TANC2: variants seen among roughly 807,000 people sequenced by gnomAD.
TANC2 encodes tetratricopeptide repeat, ankyrin repeat and coiled-coil containing 2.
Under a neutral mutation model 210.5 loss-of-function variants are expected in TANC2, and 26 were observed. That is an observed-to-expected ratio of 0.12 (90% confidence interval 0.09 to 0.17). TANC2 has a LOEUF of 0.17. TANC2 is among the 10% of genes least tolerant of loss of function. TANC2 has a pLI of 1.00. For synonymous variants in TANC2, 931 were observed against 967.1 expected (o/e 0.96, Z 0.69); for missense variants, 2,129 against 2,608.9 (o/e 0.82, Z 4.01).
chr17:63,148,328 C>G (rs1339013402), intron 4 of TANC2: 1 of 152,114 alleles, frequency 6.6e-6, no homozygotes, highest in Admixed American at 6.6e-5. Flanking sequence ...ATCACTGTAT[C>G]CAAGCACTGT....
chr17:63,316,963 ATTAT>A (rs2045334806), intron 10 of TANC2, among the ~76,000 whole-genome samples: 1 of 136,578 alleles, frequency 7.3e-6, no homozygotes, highest in South Asian at 2.3e-4. Flanking sequence ...AATATAAGTT[ATTAT>A]ATTAAACTTA....
intron 7 of TANC2, among the ~76,000 whole-genome samples, chr17:63,216,054 T>G (rs1054682068): frequency 2.0e-5 from 3 of 151,682 alleles, no homozygotes; most frequent in Non-Finnish European, 2.9e-5. Context: ...CCTGGCCTAT[T>G]TTATTTTATT....
chr17:63,154,505 A>G (rs1346290010), intron 5 of TANC2: 2 of 152,148 alleles, frequency 1.3e-5, no homozygotes, highest in African/African-American at 4.8e-5. Context: ...CCTACACTCT[A>G]TCACTTTTCT....
rs1002518880 is a variant in TANC2 at position 63,411,166 on chromosome 17, A to G, written c.3590-345A>G. Among the ~76,000 whole-genome samples the G allele has an allele frequency of 3.3e-5, 5 of 152,028 alleles. No individual in the cohort carries two copies. The East Asian group carries it at 9.7e-4, about 29-fold the overall frequency. On this transcript the variant is annotated intron_variant, in intron 21 of 27. Coordinates refer to ENST00000689528, the Ensembl canonical transcript of TANC2. ...GAGATCCGAGAGGCAGAGAGTGAGGATGCGGGAGGATTGACGGGAGATCCG... is the reference window on the plus strand; with the variant it reads ...GAGATCCGAGAGGCAGAGAGTGAGGGTGCGGGAGGATTGACGGGAGATCCG...
At chr17:62,987,986 T>C (rs909408005) in intron 1 of TANC2, among the ~76,000 whole-genome samples, 2 of 152,188 alleles carry the variant, frequency 1.3e-5, no homozygotes, top group Non-Finnish European at 2.9e-5. Flanking sequence ...CCATATTAAA[T>C]ATAGTAAGTT....
intron 15 of TANC2, among the ~76,000 whole-genome samples, chr17:63,380,646 C>G (rs1275383170): frequency 3.3e-5 from 5 of 152,176 alleles, no homozygotes; most frequent in Non-Finnish European, 5.9e-5. Flanking sequence ...TTTCCTGCCT[C>G]AGGATGGAGA....
At chr17:63,139,117 T>C (rs904037180) in intron 4 of TANC2, among the ~76,000 whole-genome samples, 1 of 152,236 alleles carries the variant, frequency 6.6e-6, no homozygotes, top group Non-Finnish European at 1.5e-5. Flanking sequence ...ATTATGTCTG[T>C]TCATATGAGA....
Position 63,420,124 on chromosome 17 carries a change from C to T in TANC2, c.4394C>T (p.Pro1465Leu). ...AGACAGATGCAGCAGCCACAGCAGC[C>T]ACCGCCGCCACCGCAGCCTCAGCAG... is the stretch of plus-strand genomic sequence containing the variant. The change falls in exon 28 of 28, where the codon CCA becomes CTA. Residue 1465 changes from proline to leucine, a missense_variant. By Grantham distance (98) the Pro-to-Leu change is moderately conservative. Transcript: ENST00000689528. This position sits in a 1 kb window ranked among gnomAD's most constrained non-coding sequence, Gnocchi z 4.2. The T allele has an allele frequency of 6.4e-7, 1 of 1,551,648 alleles. No homozygotes were observed.
chr17:63,389,203 A>G (rs1206829736), intron 16 of TANC2, 105 bp from the exon 17 acceptor site: 20 of 821,274 alleles, frequency 2.4e-5, no homozygotes, highest in Non-Finnish European at 3.6e-5. Context: ...CAATTACTAA[A>G]TGCTACTAGA....
chr17:63,220,724 ATATATATATATATG>A (rs2042155867), intron 7 of TANC2, among the ~76,000 whole-genome samples: 2 of 142,280 alleles, frequency 1.4e-5, no homozygotes, highest in African/African-American at 2.7e-5. Flanking sequence ...AAAAAAATAT[ATATATATATATATG>A]TATATATATA....
intron 27 of TANC2, 100 bp from the exon 28 acceptor site, chr17:63,419,899 C>G (rs992652824): frequency 1.5e-6 from 2 of 1,367,770 alleles, no homozygotes; most frequent in African/African-American, 2.9e-5. Context: ...CCCACAGACG[C>G]CACCACAGCT....
intron 9 of TANC2, among the ~76,000 whole-genome samples, chr17:63,270,269 G>A (rs557794670): frequency 3.9e-5 from 6 of 152,146 alleles, no homozygotes; most frequent in South Asian, 2.1e-4. Flanking sequence ...CTTAGGATAC[G>A]ACTTAAAACA....
intron 2 of TANC2, among the ~76,000 whole-genome samples, chr17:63,036,692 G>T (rs951947834): frequency 1.3e-5 from 2 of 152,070 alleles, no homozygotes; most frequent in Non-Finnish European, 2.9e-5. Context: ...TAGATCAACT[G>T]GGATAGAACA....
intron 13 of TANC2, among the ~76,000 whole-genome samples, chr17:63,352,747 G>T (rs2046653345): frequency 6.6e-6 from 1 of 151,952 alleles, no homozygotes; most frequent in Admixed American, 6.6e-5. Flanking sequence ...GACAGTGAAA[G>T]AATTTATAGG....
intron 14 of TANC2, among the ~76,000 whole-genome samples, chr17:63,366,408 AAG>A (rs2047111228): frequency 6.6e-6 from 1 of 152,202 alleles, no homozygotes; most frequent in African/African-American, 2.4e-5. Flanking sequence ...GGTATAAACA[AAG>A]AGCTGAGGGG....
chr17:63,085,041 C>T (rs1277086547), intron 3 of TANC2, among the ~76,000 whole-genome samples: 2 of 152,096 alleles, frequency 1.3e-5, no homozygotes, highest in Admixed American at 1.3e-4. Context: ...TGATTTTCTG[C>T]CTGCTGGATC....
chr17:63,120,156 A>G (rs2038407035), intron 4 of TANC2, among the ~76,000 whole-genome samples: 1 of 151,898 alleles, frequency 6.6e-6, no homozygotes, highest in Non-Finnish European at 1.5e-5. Context: ...TTTCTTGACC[A>G]TATCCTTTGG....
chr17:63,245,252 T>G (rs939089900), intron 8 of TANC2, among the ~76,000 whole-genome samples: 1 of 152,208 alleles, frequency 6.6e-6, no homozygotes, highest in African/African-American at 2.4e-5. Flanking sequence ...TAAGTTAGTA[T>G]GAATTTATTT....
At chr17:63,347,627 G>A (rs957339329) in intron 12 of TANC2, among the ~76,000 whole-genome samples, 2 of 152,082 alleles carry the variant, frequency 1.3e-5, no homozygotes, top group African/African-American at 4.8e-5. Context: ...ATTTTTCACA[G>A]TACTTTAAAG....
Sources: allele counts gnomAD v4.1 joint callset (sites outside exome capture counted in the v4.1 genomes callset), GRCh38; gene constraint gnomAD v4.1.1; non-coding constraint Gnocchi (gnomAD v3.1); transcripts MANE v1.5; gene names NCBI Gene and HGNC (gene_info 2026-07-23, HGNC 2026-07-21).